SAMD12: variants seen among roughly 807,000 people sequenced by gnomAD.
The protein encoded by SAMD12 is sterile alpha motif domain-containing protein 12.
A neutral mutation model predicts 15.0 loss-of-function variants in SAMD12; 9 were observed. The observed-to-expected ratio is 0.60, with a 90% CI of 0.36 to 1.05. SAMD12 has a LOEUF of 1.05. Among genes scored for constraint, SAMD12 ranks in the 50% least tolerant of loss-of-function variants. The pLI, the probability that SAMD12 is intolerant of heterozygous loss-of-function variation, is 0.01. For synonymous variants in SAMD12, 86 were observed against 90.1 expected (o/e 0.96, Z 0.25); for missense variants, 230 against 234.2 (o/e 0.98, Z 0.12).
chr8:118,538,596 A>C (rs1330223018), intron 2 of SAMD12, among the ~76,000 whole-genome samples: 1 of 152,198 alleles, frequency 6.6e-6, no homozygotes, highest in Non-Finnish European at 1.5e-5. Context: ...AAGGGCACAG[A>C]TTCTCTCTCC....
At chr8:118,572,786 A>T (rs1384221349) in intron 2 of SAMD12, among the ~76,000 whole-genome samples, 1 of 152,062 alleles carries the variant, frequency 6.6e-6, no homozygotes, top group Non-Finnish European at 1.5e-5. Flanking sequence ...TCGCAGCATG[A>T]AAAGGGACTA....
At chr8:118,533,584 T>C (rs1010843725) in intron 2 of SAMD12, among the ~76,000 whole-genome samples, 1 of 152,204 alleles carries the variant, frequency 6.6e-6, no homozygotes, top group Non-Finnish European at 1.5e-5. Flanking sequence ...TAAGTCTCTT[T>C]GTAGGTCTCT....
the SAMD12 span, among the ~76,000 whole-genome samples, chr8:118,176,207 A>G: frequency 1.3e-5 from 2 of 152,202 alleles, no homozygotes; most frequent in African/African-American, 2.4e-5. Context: ...AGACTGAGGC[A>G]GGAGAATTGC....
At chr8:118,516,564 C>A (rs1180514332) in intron 2 of SAMD12, among the ~76,000 whole-genome samples, 1 of 151,886 alleles carries the variant, frequency 6.6e-6, no homozygotes, top group Non-Finnish European at 1.5e-5. Context: ...TTCCAATAAT[C>A]TTTTCCTGTT....
intron 2 of SAMD12, among the ~76,000 whole-genome samples, chr8:118,534,836 C>T: frequency 6.6e-6 from 1 of 152,112 alleles, no homozygotes; most frequent in East Asian, 1.9e-4. Flanking sequence ...TCTAGTTAGC[C>T]ATTCATCCAA....
chr8:118,251,873 G>A (rs1368806929), intron 4 of SAMD12, among the ~76,000 whole-genome samples: 3 of 151,868 alleles, frequency 2.0e-5, no homozygotes, highest in South Asian at 4.2e-4. Context: ...CAGCATAATC[G>A]ACAGCTGAGG....
At chr8:118,347,126 G>T (rs1192080249) in intron 4 of SAMD12, among the ~76,000 whole-genome samples, 2 of 152,274 alleles carry the variant, frequency 1.3e-5, no homozygotes, top group South Asian at 4.2e-4. Flanking sequence ...ACAGGGTCTC[G>T]CTGTGTAGCT....
At chr8:118,181,140 G>A in the SAMD12 span, among the ~76,000 whole-genome samples, 1 of 152,110 alleles carries the variant, frequency 6.6e-6, no homozygotes, top group African/African-American at 2.4e-5. Context: ...TCCTGCTTCA[G>A]CCTCTGGAGT....
chr8:118,186,368 T>A (rs898289768), downstream of SAMD12, among the ~76,000 whole-genome samples: 2 of 152,234 alleles, frequency 1.3e-5, no homozygotes, highest in African/African-American at 4.8e-5. Flanking sequence ...AGGAAAAATA[T>A]CATTCATTTC....
intron 4 of SAMD12, among the ~76,000 whole-genome samples, chr8:118,349,752 C>T (rs186759501): frequency 2.5e-4 from 38 of 152,322 alleles, no homozygotes; most frequent in Admixed American, 7.8e-4. Context: ...ACATCAGATG[C>T]ATCAAAGCTC....
chr8:118,143,515 A>G, the SAMD12 span, among the ~76,000 whole-genome samples: 4 of 152,192 alleles, frequency 2.6e-5, no homozygotes, highest in Non-Finnish European at 5.9e-5. Context: ...ACATCACAGT[A>G]AAGTGTAAAA....
At chr8:118,376,230 T>C (rs1819381835), downstream of SAMD12, among the ~76,000 whole-genome samples, 1 of 152,210 alleles carries the variant, frequency 6.6e-6, no homozygotes, top group Non-Finnish European at 1.5e-5. Context: ...CTTCTTAAAA[T>C]GCGTTGGTTA....
chr8:118,210,225 T>C (rs1231743571), intron 4 of SAMD12, among the ~76,000 whole-genome samples: 2 of 152,196 alleles, frequency 1.3e-5, no homozygotes, highest in African/African-American at 4.8e-5. Flanking sequence ...TTTACGTGCA[T>C]TATTACTTTT....
chr8:118,173,615 T>C, the SAMD12 span, among the ~76,000 whole-genome samples: 1 of 146,110 alleles, frequency 6.8e-6, no homozygotes, highest in Admixed American at 7.0e-5. Context: ...TTATATTAAA[T>C]TATATACATA....
intron 4 of SAMD12, among the ~76,000 whole-genome samples, chr8:118,266,427 A>G (rs1451033260): frequency 6.6e-6 from 1 of 152,282 alleles, no homozygotes; most frequent in East Asian, 1.9e-4. Context: ...GGAAAATGGT[A>G]TGGAACTTCC....
At chr8:118,146,025 G>A in the SAMD12 span, among the ~76,000 whole-genome samples, 1 of 152,214 alleles carries the variant, frequency 6.6e-6, no homozygotes, top group Non-Finnish European at 1.5e-5. Flanking sequence ...GTGTGATCAG[G>A]ATGAAGGCCA....
rs1176640091 is a variant in SAMD12, at chr8:118,469,806, A to G, written c.193-29845T>C. Among the ~76,000 whole-genome samples the G allele has an allele frequency of 3.3e-5, 5 of 150,316 alleles. No homozygotes were observed. In the South Asian group the frequency reaches 6.3e-4, roughly 19 times the overall value. ...TCAATCTCCTGAACTCAGGTGATCC[A>G]TCTGCCTCAGCCTCCCAAAGTGCTG... On this transcript the variant is annotated intron_variant, in intron 2 of 3. Coordinates refer to ENST00000314727, the MANE Select transcript of SAMD12 (RefSeq NM_207506.3).
chr8:118,557,295 C>T (rs1826565057), intron 2 of SAMD12, among the ~76,000 whole-genome samples: 1 of 152,202 alleles, frequency 6.6e-6, no homozygotes, highest in Non-Finnish European at 1.5e-5. Flanking sequence ...CATGCCTCTT[C>T]CCCGCCTATC....
intron 3 of SAMD12, among the ~76,000 whole-genome samples, chr8:118,393,162 A>C (rs1820372093): frequency 6.6e-6 from 1 of 152,212 alleles, no homozygotes; most frequent in Non-Finnish European, 1.5e-5. Flanking sequence ...AAGATGAGGA[A>C]ATAGAAGCTC....
Sources: allele counts gnomAD v4.1 joint callset (sites outside exome capture counted in the v4.1 genomes callset), GRCh38; gene constraint gnomAD v4.1.1; transcripts MANE v1.5; gene names NCBI Gene and HGNC (gene_info 2026-07-23, HGNC 2026-07-21).